The following TLN2 variants were observed in gnomAD, a reference collection of about 807,000 sequenced individuals.
The protein encoded by TLN2 is talin-2.
Under a neutral mutation model 294.7 loss-of-function variants are expected in TLN2, and 118 were observed. The observed-to-expected ratio is 0.40, with a 90% CI of 0.34 to 0.47. The LOEUF is 0.47. Among genes scored for constraint, TLN2 ranks in the 20% least tolerant of loss-of-function variants. The pLI, the probability that TLN2 is intolerant of heterozygous loss-of-function variation, is 0.84. For missense variants in TLN2, 3,083 were observed against 3,282.2 expected (o/e 0.94, Z 1.48); for synonymous variants, 1,431 against 1,304.5 (o/e 1.10, Z -2.09).
chr15:62,716,223 A>G (rs555162263), intron 22 of TLN2, 108 bp from the exon 23 acceptor site: 1 of 1,250,780 alleles, frequency 8.0e-7, no homozygotes, highest in South Asian at 2.5e-5. Flanking sequence ...GTGGCATTTG[A>G]CTATCCTTGC....
intron 1 of TLN2, among the ~76,000 whole-genome samples, chr15:62,568,927 T>C (rs185832106): frequency 4.6e-5 from 7 of 152,252 alleles, no homozygotes; most frequent in Admixed American, 4.6e-4. Flanking sequence ...GCTGGTGGCT[T>C]GTAACGACAG....
At chr15:62,556,310 C>G (rs2042602819) in intron 1 of TLN2, among the ~76,000 whole-genome samples, 1 of 147,808 alleles carries the variant, frequency 6.8e-6, no homozygotes. Flanking sequence ...CTTCTCTTCT[C>G]TTTTTTTCTT....
Position 62,697,886 on chromosome 15 carries a change from C to T in TLN2, c.1473+18C>T, listed in dbSNP as rs112061627. ...CGCCACTGGTGAGGCTTCCTGTGCTCGTCCCCCACTCGTTAGTCTGCTGCC... is the reference window on the plus strand; with the variant it reads ...CGCCACTGGTGAGGCTTCCTGTGCTTGTCCCCCACTCGTTAGTCTGCTGCC... On this transcript the variant is annotated intron_variant, in intron 15 of 58. Transcript: ENST00000636159. 19 of 1,607,976 alleles carry T rather than the reference C, an allele frequency of 1.2e-5. No individual in the cohort carries two copies. The highest frequency in any genetic ancestry group is 6.7e-5 in the Admixed American group (4 of 59,628).
intron 1 of TLN2, among the ~76,000 whole-genome samples, chr15:62,520,499 A>G (rs148590142): frequency 6.6e-6 from 1 of 152,228 alleles, no homozygotes. Context: ...TAGAAAAGAT[A>G]ACCTTGATAG....
At chr15:62,787,693 C>CT (rs71672889) in intron 45 of TLN2, among the ~76,000 whole-genome samples, 1,292 of 65,472 alleles carry the variant, frequency 0.02, 59 homozygotes, top group African/African-American at 0.058. Context: ...AACTCCTTAT[C>CT]TTTTTTTTTT....
intron 9 of TLN2, among the ~76,000 whole-genome samples, chr15:62,660,796 T>C (rs190923007): frequency 2.6e-5 from 4 of 152,342 alleles, no homozygotes; most frequent in Admixed American, 1.3e-4. Context: ...ACAAGGGAGA[T>C]ATTATATACT....
Position 62,525,966 on chromosome 15 carries a change from T to G in TLN2, c.-237-63721T>G, listed in dbSNP as rs151155991. ...CAAGGGAAGCTGGAAGAAGGGTAGA[T>G]TAAAGACTTCAGTTTTGCATTAATG... is the stretch of plus-strand genomic sequence containing the variant. On this transcript the variant is annotated intron_variant, in intron 1 of 58. Coordinates refer to ENST00000636159, the MANE Select transcript of TLN2 (RefSeq NM_015059.3). 2.2e-3 allele frequency among the ~76,000 whole-genome samples: 341 copies of G among 152,262 alleles called. 1 individual carries two copies. The highest frequency in any genetic ancestry group is 3.6e-3 in the Non-Finnish European group (242 of 68,022).
rs2070950417 is a variant in TLN2 at position 62,843,877 on chromosome 15, C to A, written c.*3267C>A. On this transcript the variant is annotated 3_prime_UTR_variant, in exon 59 of 59. Transcript: ENST00000636159. ...CGAGGAGCCTTGGTTTCCTCCCTGG[C>A]AGATAGTCCCCAGAATCTTCTCTCC... The A allele has an allele frequency of 6.6e-6, 1 of 152,212 alleles. No individual in the cohort carries two copies. The highest frequency in any genetic ancestry group is 2.1e-4 in the South Asian group (1 of 4,820). 9.4% of individuals were successfully genotyped at this position (152,212 alleles called of 1,614,324 possible).
At chr15:62,694,109 A>G (rs923417254) in intron 13 of TLN2, among the ~76,000 whole-genome samples, 7 of 151,748 alleles carry the variant, frequency 4.6e-5, no homozygotes, top group Admixed American at 2.0e-4. Context: ...CTGGGATTAC[A>G]GGCTCCTGTC....
chr15:62,420,176 A>G (rs916532508), intron 1 of TLN2, among the ~76,000 whole-genome samples: 1 of 152,220 alleles, frequency 6.6e-6, no homozygotes, highest in Admixed American at 6.5e-5. Flanking sequence ...TAATGTATTC[A>G]TAGTGGAGTG....
chr15:62,555,897 A>G (rs1340266481), intron 1 of TLN2, among the ~76,000 whole-genome samples: 1 of 146,456 alleles, frequency 6.8e-6, no homozygotes, highest in Non-Finnish European at 1.5e-5. Flanking sequence ...ATTTGATTTT[A>G]TGAGGATATT....
chr15:62,587,952 C>T (rs570173808), intron 1 of TLN2, among the ~76,000 whole-genome samples: 1 of 152,124 alleles, frequency 6.6e-6, no homozygotes, highest in South Asian at 2.1e-4. Context: ...GTGATCTCGG[C>T]TCACTGCAAG....
At chr15:62,797,863 T>C (rs2065620108) in intron 48 of TLN2, among the ~76,000 whole-genome samples, 1 of 152,294 alleles carries the variant, frequency 6.6e-6, no homozygotes, top group East Asian at 1.9e-4. Context: ...GTTCAGCGAC[T>C]GTTGCCATAG....
In TLN2 at chr15:62,833,407, C is replaced by G. The variant is rs1015518745; in HGVS notation, c.7003-97C>G. 7 of 1,514,456 alleles carry G rather than the reference C, an allele frequency of 4.6e-6. No homozygotes were observed. In the African/African-American group the frequency reaches 8.3e-5, roughly 18 times the overall value. 93.8% of individuals were successfully genotyped at this position (1,514,456 alleles called of 1,614,324 possible). On this transcript the variant is annotated intron_variant, in intron 54 of 58. Coordinates refer to ENST00000636159, the MANE Select transcript of TLN2 (RefSeq NM_015059.3). Reference sequence around the variant, plus strand: ...TGGTTTGTCAACAAAAAACAATAGGCAGGTGAAGAGCCAGGTGACCCGGCA... The same window carrying G: ...TGGTTTGTCAACAAAAAACAATAGGGAGGTGAAGAGCCAGGTGACCCGGCA...
In TLN2 at chr15:62,841,601, T is replaced by C. The variant is rs141283249; in HGVS notation, c.*991T>C. ...CCAACCCAAAACGCCTTTTTTTCTG[T>C]CTTAATATCCAGAAAATCTAAATGC... On this transcript the variant is annotated 3_prime_UTR_variant, in exon 59 of 59. Transcript: ENST00000636159. 1 of 152,296 alleles carries C rather than the reference T, an allele frequency of 6.6e-6. No individual in the cohort carries two copies. The highest frequency in any genetic ancestry group is 1.9e-4 in the East Asian group (1 of 5,184). 9.4% of individuals were successfully genotyped at this position (152,296 alleles called of 1,614,324 possible). A position where few individuals can be genotyped will look rare whatever the true frequency, so the allele number is the denominator to read the frequency against.
At chr15:62,602,737 C>G (rs1287924525) in intron 2 of TLN2, among the ~76,000 whole-genome samples, 1 of 152,086 alleles carries the variant, frequency 6.6e-6, no homozygotes, top group Non-Finnish European at 1.5e-5. Context: ...GGCACTAATT[C>G]CATGAGAGCT....
intron 1 of TLN2, among the ~76,000 whole-genome samples, chr15:62,568,897 T>C (rs2043629316): frequency 6.6e-6 from 1 of 152,190 alleles, no homozygotes; most frequent in Admixed American, 6.5e-5. Context: ...TTCTGAGGGC[T>C]GCTGTAACAC....
intron 55 of TLN2, chr15:62,835,273 C>T (rs956953452): frequency 2.2e-5 from 4 of 183,970 alleles, no homozygotes; most frequent in Admixed American, 2.2e-4. Flanking sequence ...AGAGGGAGTT[C>T]CACCACACTT....
At chr15:62,477,945 G>C (rs2037873373) in intron 1 of TLN2, among the ~76,000 whole-genome samples, 1 of 151,858 alleles carries the variant, frequency 6.6e-6, no homozygotes, top group Non-Finnish European at 1.5e-5. Context: ...GGCGTTGCAG[G>C]CTCAACATTG....
Sources: allele counts gnomAD v4.1 joint callset (sites outside exome capture counted in the v4.1 genomes callset), GRCh38; gene constraint gnomAD v4.1.1; transcripts MANE v1.5; gene names NCBI Gene and HGNC (gene_info 2026-07-23, HGNC 2026-07-21).